The following TBC1D8 variants were observed in gnomAD, a reference collection of about 807,000 sequenced individuals.
The protein encoded by TBC1D8 is BUB2-like protein 1.
In TBC1D8, 65 loss-of-function variants were observed where a neutral mutation model predicts 118.8. The observed-to-expected ratio is 0.55, with a 90% CI of 0.45 to 0.67. TBC1D8 has a LOEUF of 0.67. Ranked by LOEUF, TBC1D8 falls within the 30% of genes least tolerant of loss-of-function variation. The pLI is 0.00. For synonymous variants in TBC1D8, 566 were observed against 595.8 expected (o/e 0.95, Z 0.73); for missense variants, 1,376 against 1,471.2 (o/e 0.94, Z 1.06).
At chr2:101,068,864 T>A (rs1487537922) in intron 2 of TBC1D8, among the ~76,000 whole-genome samples, 7 of 151,240 alleles carry the variant, frequency 4.6e-5, no homozygotes, top group Non-Finnish European at 1.0e-4. Flanking sequence ...CTGAGCGTGG[T>A]GGTGGGGCGC....
Position 101,059,553 on chromosome 2 carries a change from GAA to G in TBC1D8, c.284-16_284-15del. 6.3e-7 allele frequency: 1 copy of G among 1,580,972 alleles called. No individual in the cohort carries two copies. On this transcript the variant is annotated splice_polypyrimidine_tract_variant and intron_variant, in intron 2 of 19. Transcript: ENST00000409318. ...CTAATGTTGCACCTGGATTCAAACA[GAA>G]AAAGATACAGAGATTAAAAAATGCA...
chr2:101,106,637 G>A (rs549938967), intron 1 of TBC1D8, among the ~76,000 whole-genome samples: 1 of 152,276 alleles, frequency 6.6e-6, no homozygotes, highest in African/African-American at 2.4e-5. Flanking sequence ...TCCACTTAAC[G>A]GTTTTTTGGC....
intron 1 of TBC1D8, among the ~76,000 whole-genome samples, chr2:101,117,139 C>T (rs1677856398): frequency 6.6e-6 from 1 of 152,078 alleles, no homozygotes. Context: ...ACCCCCAGAA[C>T]CCCAGGCAAG....
chr2:101,055,039 C>T (rs552537732), intron 3 of TBC1D8, among the ~76,000 whole-genome samples: 2 of 152,178 alleles, frequency 1.3e-5, no homozygotes, highest in South Asian at 4.2e-4. Flanking sequence ...AGGACTGGCT[C>T]AGGCCTGTGA....
chr2:101,061,617 G>A (rs897300412), intron 2 of TBC1D8, among the ~76,000 whole-genome samples: 7 of 151,988 alleles, frequency 4.6e-5, no homozygotes, highest in Admixed American at 3.3e-4. Flanking sequence ...TGACTTCCCC[G>A]GTCCCTACAC....
chr2:101,019,625 A>G (rs1679901941), intron 17 of TBC1D8: 1 of 152,380 alleles, frequency 6.6e-6, no homozygotes, highest in Non-Finnish European at 1.5e-5. Flanking sequence ...GTTACACAGT[A>G]TGAATATCAC....
At position 101,148,802 on chromosome 2, in the gene TBC1D8, A is replaced by G. The variant is rs372162750; in HGVS notation, c.127+2325T>C. Among the ~76,000 whole-genome samples, 3 of 152,296 alleles carry G rather than the reference A, an allele frequency of 2.0e-5. No homozygotes were observed. In the East Asian group the frequency reaches 5.8e-4, roughly 29 times the overall value. On this transcript the variant is annotated intron_variant, in intron 1 of 19. Coordinates refer to ENST00000409318, the MANE Select transcript of TBC1D8 (RefSeq NM_001330348.2). ...AAGTCTACAACCTGCCAGAATGTGT[A>G]TCACTGTAGCCCTCATTCTTTTCAT...
intron 1 of TBC1D8, among the ~76,000 whole-genome samples, chr2:101,135,151 G>C (rs192815044): frequency 1.3e-5 from 2 of 152,078 alleles, no homozygotes; most frequent in African/African-American, 4.8e-5. Context: ...CAGCCTGGGC[G>C]ACAGAGCGAG....
intron 1 of TBC1D8, among the ~76,000 whole-genome samples, chr2:101,127,488 G>A (rs951369909): frequency 6.6e-6 from 1 of 152,070 alleles, no homozygotes; most frequent in Non-Finnish European, 1.5e-5. Context: ...GAGAACAGAC[G>A]TCAGTATGGA....
rs111242056 is a variant in TBC1D8, at chr2:101,090,554, G to C, written c.128-190C>G. Among the ~76,000 whole-genome samples, 467 of 152,330 alleles carry C rather than the reference G, an allele frequency of 3.1e-3. 4 individuals are homozygous for C. The highest frequency in any genetic ancestry group is 0.011 in the African/African-American group (438 of 41,574). ...AAGGGCTCTGTCTGCATCCGCAGCA[G>C]GACCTGCCCCTGACAGGCACTCAGT... On this transcript the variant is annotated intron_variant, in intron 1 of 19. Coordinates refer to ENST00000409318, the MANE Select transcript of TBC1D8 (RefSeq NM_001330348.2).
Position 101,029,574 on chromosome 2 carries a change from C to T in TBC1D8, c.2139G>A (p.Gln713=), listed in dbSNP as rs546144108. ...FFYDGIKAIF[Q]LGLAVLEANA... is the part of the protein sequence containing the mutation. ...TGGCCTCAAGCACAGCCAGTCCCAG[C>T]TGGAAGATGGCTTTGATGCCATCAT... Residue 713 remains glutamine (Q), a synonymous_variant, in exon 12 of 20, where the codon CAG becomes CAA. Coordinates refer to ENST00000409318, the MANE Select transcript of TBC1D8 (RefSeq NM_001330348.2). 1.9e-6 allele frequency: 3 copies of T among 1,613,970 alleles called. No homozygotes were observed. In the East Asian group the frequency reaches 6.7e-5, roughly 36 times the overall value.
intron 3 of TBC1D8, 89 bp from the exon 4 acceptor site, chr2:101,054,425 T>C: frequency 2.3e-6 from 3 of 1,319,190 alleles, no homozygotes; most frequent in Non-Finnish European, 3.1e-6. Context: ...GGGACTGAGG[T>C]GCACAGGCCC....
At chr2:101,131,145 C>T (rs1452777618) in intron 1 of TBC1D8, among the ~76,000 whole-genome samples, 2 of 152,166 alleles carry the variant, frequency 1.3e-5, no homozygotes, top group Non-Finnish European at 2.9e-5. Context: ...TTAAGTCATC[C>T]TCCCACCTCA....
chr2:101,072,326 A>G (rs1466397162), intron 2 of TBC1D8, among the ~76,000 whole-genome samples: 1 of 152,124 alleles, frequency 6.6e-6, no homozygotes, highest in Non-Finnish European at 1.5e-5. Context: ...CAGAAGGCAA[A>G]GGGGGAGCAG....
chr2:101,122,845 C>T (rs557061710), intron 1 of TBC1D8, among the ~76,000 whole-genome samples: 1 of 152,300 alleles, frequency 6.6e-6, no homozygotes, highest in African/African-American at 2.4e-5. Context: ...GAGCCCTTCA[C>T]ATTGGTGTCA....
chr2:101,059,285 T>C (rs1682624606), intron 3 of TBC1D8, 136 bp downstream of exon 3: 3 of 578,496 alleles, frequency 5.2e-6, no homozygotes, highest in Non-Finnish European at 9.3e-6. Flanking sequence ...AGGTGATAAA[T>C]GAAACTTATT....
At chr2:101,033,417 C>A (rs759820993) in intron 10 of TBC1D8, 127 bp downstream of exon 10, 3 of 1,123,924 alleles carry the variant, frequency 2.7e-6, no homozygotes, top group Non-Finnish European at 2.6e-6. Context: ...CGGAAAGGGA[C>A]CGAGTACAGC....
chr2:101,039,749 A>G (rs937359464), intron 6 of TBC1D8, among the ~76,000 whole-genome samples: 2 of 152,134 alleles, frequency 1.3e-5, no homozygotes, highest in Admixed American at 6.5e-5. Flanking sequence ...AAAGCCAGGC[A>G]ATTTACCATT....
intron 1 of TBC1D8, among the ~76,000 whole-genome samples, chr2:101,117,873 C>CCT (rs1367551705): frequency 7.9e-5 from 10 of 126,382 alleles, no homozygotes; most frequent in Non-Finnish European, 1.7e-4. Context: ...CCGCACCCGG[C>CCT]CTTTTTTTTT....
Sources: allele counts gnomAD v4.1 joint callset (sites outside exome capture counted in the v4.1 genomes callset), GRCh38; gene constraint gnomAD v4.1.1; transcripts MANE v1.5; gene names NCBI Gene and HGNC (gene_info 2026-07-23, HGNC 2026-07-21).